The following AMER1 variants were observed in gnomAD, a reference collection of about 807,000 sequenced individuals.
AMER1 encodes the protein RP11-403E24.2.
Under a neutral mutation model 53.0 loss-of-function variants are expected in AMER1, and 16 were observed. The observed-to-expected ratio is 0.30, with a 90% CI of 0.20 to 0.46. AMER1 has a LOEUF of 0.46. Ranked by LOEUF, AMER1 falls within the 20% of genes least tolerant of loss-of-function variation. The probability of loss-of-function intolerance (pLI) is 1.00; values close to 1 mark genes in which losing one functional copy is unlikely to be tolerated. For synonymous variants in AMER1, 354 were observed against 331.9 expected (o/e 1.07, Z -0.73); for missense variants, 947 against 884.9 (o/e 1.07, Z -0.89).
At position 64,192,883 on chromosome X, in the gene AMER1, C is replaced by T. The variant is rs1195123555; in HGVS notation, c.404G>A (p.Gly135Glu). 3.3e-6 allele frequency: 4 copies of T among 1,212,117 alleles called. No individual in the cohort carries two copies. The highest frequency in any genetic ancestry group is 1.8e-5 in the South Asian group (1 of 57,010). The part of the protein sequence containing the change: ...CQFPSSQSAH[G>E]ALETGSRCKT... ...ACATCTGGAGCCTGTCTCCAAAGCC[C>T]CATGGGCACTCTGAGAGCTGGGAAA... Residue 135 changes from glycine (G) to glutamate (E), a missense_variant, in exon 2 of 2, where the codon GGG (glycine) becomes GAG (glutamate). Physicochemically the swap from Gly to Glu is moderately conservative, Grantham distance 98. Coordinates refer to ENST00000374869, the MANE Select transcript of AMER1 (RefSeq NM_152424.4).
rs1373608390 is a variant in AMER1, at chrX:64,193,259, G to A, written c.28C>T (p.Gln10Ter). The change falls in exon 2 of 2, where the codon CAG becomes TAG. Residue 10 changes from glutamine (Q) to a stop codon, truncating the protein, a stop_gained. Coordinates refer to ENST00000374869, the MANE Select transcript of AMER1 (RefSeq NM_152424.4). LOFTEE classifies it high-confidence loss of function. Reference protein sequence around the residue: METQKDEAAQAKGAAASGST... With the variant: METQKDEAA ...CCAGAGGCTGCAGCTCCCTTGGCCT[G>A]AGCAGCTTCATCCTTTTGGGTCTCC... is the stretch of plus-strand genomic sequence containing the variant. 1 of 1,209,952 alleles carries A rather than the reference G, an allele frequency of 8.3e-7. No homozygotes were observed. The highest frequency in any genetic ancestry group is 2.2e-5 in the Admixed American group (1 of 45,728).
At position 64,187,842 on chromosome X, in the gene AMER1, C is replaced by T. The variant is rs1602065232; in HGVS notation, c.*2037G>A. On this transcript the variant is annotated 3_prime_UTR_variant, in exon 2 of 2. Transcript: ENST00000374869. ...ATGCTGTGCTTGGGGTAAGGAGGGC[C>T]TTCCTCACCCTCTTTCATTCTCCAG... 1.3e-6 allele frequency: 1 copy of T among 777,087 alleles called. No homozygotes were observed. The highest frequency in any genetic ancestry group is 8.9e-5 in the East Asian group (1 of 11,208). The allele number at this position is 777,087 out of a possible 1,213,427, so 64.0% of individuals were successfully genotyped here.
chrX:64,189,814 T>TCCCCCAC lies in AMER1; in HGVS notation c.*64_*65insGTGGGGG. 6.3e-6 allele frequency: 1 copy of TCCCCCAC among 159,292 alleles called. No homozygotes were observed. The highest frequency in any genetic ancestry group is 1.0e-5 in the Non-Finnish European group (1 of 98,500). 13.1% of individuals were successfully genotyped at this position (159,292 alleles called of 1,213,427 possible). ...AACAACCCCCACCCCCCCACCCTTC[T>TCCCCCAC]GCCCAACCCCTGATCCCCATTCACA... On this transcript the variant is annotated 3_prime_UTR_variant, in exon 2 of 2. Transcript: ENST00000374869.
Position 64,185,667 on chromosome X carries a change from GGGCAGGGGAGGGGGA to G in AMER1, c.*4197_*4211del. The G allele has an allele frequency of 5.5e-6, 1 of 180,796 alleles. No individual in the cohort carries two copies. The highest frequency in any genetic ancestry group is 2.4e-4 in the South Asian group (1 of 4,223). The allele number at this position is 180,796 out of a possible 1,213,427, so 14.9% of individuals were successfully genotyped here. A position where few individuals can be genotyped will look rare whatever the true frequency, so the allele number is the denominator to read the frequency against. ...TACCATCCACGTGTGAGCTGGAGCA[GGGCAGGGGAGGGGGA>G]ATGGTGGTAGGGGAGGAGATTCCCC... On this transcript the variant is annotated 3_prime_UTR_variant, in exon 2 of 2. Transcript: ENST00000374869.
rs1470721829 is a variant in AMER1 at position 64,187,860 on chromosome X, T to A, written c.*2019A>T. On this transcript the variant is annotated 3_prime_UTR_variant, in exon 2 of 2. Coordinates refer to ENST00000374869, the MANE Select transcript of AMER1 (RefSeq NM_152424.4). ...GGAGGGCCTTCCTCACCCTCTTTCA[T>A]TCTCCAGCTCCACAACAGATACATT... 2 of 777,236 alleles carry A rather than the reference T, an allele frequency of 2.6e-6. No homozygotes were observed. 64.1% of individuals were successfully genotyped at this position (777,236 alleles called of 1,213,427 possible).
rs1208695824 is a variant in AMER1 at position 64,193,523 on chromosome X, C to T, written c.-98-139G>A. ...GGAAAATGTGGGGCAAATCTTAATC[C>T]ACTCGATATGCTTGGCTTGCTGGGC... On this transcript the variant is annotated intron_variant, in intron 1 of 1. Transcript: ENST00000374869. The T allele has an allele frequency of 4.1e-5, 19 of 463,234 alleles. No individual in the cohort carries two copies. The East Asian group carries it at 4.6e-4, about 11-fold the overall frequency. 38.2% of individuals were successfully genotyped at this position (463,234 alleles called of 1,213,427 possible).
Position 64,189,261 on chromosome X carries a change from G to A in AMER1, c.*618C>T. The A allele has an allele frequency of 3.8e-6, 3 of 795,160 alleles. No homozygotes were observed. The African/African-American group carries it at 6.6e-5, about 18-fold the overall frequency. 65.5% of individuals were successfully genotyped at this position (795,160 alleles called of 1,213,427 possible). ...TGATATAATGATGGCAGCTATGCCA[G>A]GCCAAAAGGAATAGGGGTGGGGAGG... is the stretch of plus-strand genomic sequence containing the variant. On this transcript the variant is annotated 3_prime_UTR_variant, in exon 2 of 2. Transcript: ENST00000374869.
chrX:64,191,293 C>T lies in AMER1; in HGVS notation c.1994G>A (p.Gly665Asp), dbSNP rs2147086998. 1.7e-6 allele frequency: 2 copies of T among 1,211,768 alleles called. No individual in the cohort carries two copies. Among genetic ancestry groups the T allele is most frequent in the Non-Finnish European group, 1.1e-6 (1 of 895,444 alleles). The change falls in exon 2 of 2, where the codon GGC (glycine) becomes GAC (aspartate). Residue 665 changes from glycine (G) to aspartate (D), a missense_variant. Transcript: ENST00000374869. ...QMRPLGPSVM[G>D]LAAGVSGTSQ... ...GGTCCCTGATACCCCTGCTGCCAGG[C>T]CCATCACTGATGGGCCTAAGGGCCT...
chrX:64,189,792 A>ATCGGGG lies in AMER1; in HGVS notation c.*86_*87insCCCCGA. The ATCGGGG allele has an allele frequency of 1.3e-6, 1 of 746,976 alleles. No homozygotes were observed. The highest frequency in any genetic ancestry group is 8.5e-5 in the East Asian group (1 of 11,770). 61.6% of individuals were successfully genotyped at this position (746,976 alleles called of 1,213,427 possible). A position where few individuals can be genotyped will look rare whatever the true frequency, so the allele number is the denominator to read the frequency against. On this transcript the variant is annotated 3_prime_UTR_variant, in exon 2 of 2. Coordinates refer to ENST00000374869, the MANE Select transcript of AMER1 (RefSeq NM_152424.4). ...CCAAAGGGTTTTCAAGTTAAACAAC[A>ATCGGGG]ACCCCCACCCCCCCACCCTTCTGCC...
chrX:64,190,118 C>A lies in AMER1; in HGVS notation c.3169G>T (p.Glu1057Ter), dbSNP rs2147084373. The change falls in exon 2 of 2, where the codon GAG (glutamate) becomes TAG (stop). Residue 1057 changes from glutamate (E) to a stop codon, truncating the protein, a stop_gained. Coordinates refer to ENST00000374869, the MANE Select transcript of AMER1 (RefSeq NM_152424.4). LOFTEE classifies it high-confidence loss of function. ...RPRDVLLPVD[E>*]PSCSSSSGGF... is the part of the protein sequence containing the mutation. Reference sequence around the variant, plus strand: ...CCAGAACTGGAAGAGCAACTGGGCTCATCAACAGGCAGCAGCACATCTCGA... The same window carrying A: ...CCAGAACTGGAAGAGCAACTGGGCTAATCAACAGGCAGCAGCACATCTCGA... The A allele has an allele frequency of 8.3e-7, 1 of 1,207,154 alleles. No individual in the cohort carries two copies. Among genetic ancestry groups the A allele is most frequent in the Non-Finnish European group, 1.1e-6 (1 of 893,138 alleles).
rs751312208 is a variant in AMER1 at position 64,192,600 on chromosome X, A to T, written c.687T>A (p.Ala229=). Residue 229 remains alanine, a synonymous_variant, in exon 2 of 2, where the codon GCT becomes GCA. Transcript: ENST00000374869. The part of the protein sequence containing the change: ...ETFQAPRKEN[A]NPQDAPGPKV... ...TTGGCCCAGGGGCATCTTGGGGGTT[A>T]GCATTTTCCTTTCTAGGGGCTTGGA... is the stretch of plus-strand genomic sequence containing the variant. 8.5e-7 allele frequency: 1 copy of T among 1,182,139 alleles called. No individual in the cohort carries two copies. The highest frequency in any genetic ancestry group is 2.0e-5 in the South Asian group (1 of 50,841).
intron 1 of AMER1, among the ~76,000 whole-genome samples, chrX:64,201,400 G>A (rs914610378): frequency 9.3e-6 from 1 of 108,013 alleles, no homozygotes; most frequent in African/African-American, 3.4e-5. Context: ...CCAATAGATC[G>A]TTAAGCAGAA....
chrX:64,189,792 A>AGGGGGGGGGGGGG lies in AMER1; in HGVS notation c.*86_*87insCCCCCCCCCCCCC. ...CCAAAGGGTTTTCAAGTTAAACAAC[A>AGGGGGGGGGGGGG]ACCCCCACCCCCCCACCCTTCTGCC... On this transcript the variant is annotated 3_prime_UTR_variant, in exon 2 of 2. Coordinates refer to ENST00000374869, the MANE Select transcript of AMER1 (RefSeq NM_152424.4). 1.3e-6 allele frequency: 1 copy of AGGGGGGGGGGGGG among 746,977 alleles called. No individual in the cohort carries two copies. The allele number at this position is 746,977 out of a possible 1,213,427, so 61.6% of individuals were successfully genotyped here. A position where few individuals can be genotyped will look rare whatever the true frequency, so the allele number is the denominator to read the frequency against.
Position 64,189,403 on chromosome X carries a change from G to A in AMER1, c.*476C>T. On this transcript the variant is annotated 3_prime_UTR_variant, in exon 2 of 2. Coordinates refer to ENST00000374869, the MANE Select transcript of AMER1 (RefSeq NM_152424.4). The stretch of plus-strand genomic sequence containing the variant: ...ATCATTCATTGGGGGAAAGGGGCAG[G>A]GGGCACTAAAGGTTTAGCCTGTGTC... 1 of 778,933 alleles carries A rather than the reference G, an allele frequency of 1.3e-6. No homozygotes were observed. Among genetic ancestry groups the A allele is most frequent in the Non-Finnish European group, 1.5e-6 (1 of 655,045 alleles). The allele number at this position is 778,933 out of a possible 1,213,427, so 64.2% of individuals were successfully genotyped here.
Position 64,187,963 on chromosome X carries a change from C to A in AMER1, c.*1916G>T, listed in dbSNP as rs934230337. ...CTTGAGTGGTGGTGTTAGTGCCATG[C>A]AAATTCATGTGGTGCTTCCAGGGGT... On this transcript the variant is annotated 3_prime_UTR_variant, in exon 2 of 2. Coordinates refer to ENST00000374869, the MANE Select transcript of AMER1 (RefSeq NM_152424.4). The A allele has an allele frequency of 1.7e-5, 13 of 778,787 alleles. No homozygotes were observed. Among genetic ancestry groups the A allele is most frequent in the Non-Finnish European group, 2.0e-5 (13 of 654,636 alleles). 64.2% of individuals were successfully genotyped at this position (778,787 alleles called of 1,213,427 possible).
chrX:64,203,635 T>C (rs900426560), intron 1 of AMER1, among the ~76,000 whole-genome samples: 2 of 111,333 alleles, frequency 1.8e-5, no homozygotes, highest in Non-Finnish European at 3.8e-5. Context: ...GAAGTCACCA[T>C]GGGTGGGCAA....
In AMER1 at chrX:64,189,796, C is replaced by CT; in HGVS notation, c.*82_*83insA. ...AGGGTTTTCAAGTTAAACAACAACCCCCACCCCCCCACCCTTCTGCCCAAC... is the reference window on the plus strand; with the variant it reads ...AGGGTTTTCAAGTTAAACAACAACCCTCCACCCCCCCACCCTTCTGCCCAAC... On this transcript the variant is annotated 3_prime_UTR_variant, in exon 2 of 2. Transcript: ENST00000374869. The CT allele has an allele frequency of 8.9e-5, 11 of 123,741 alleles. No homozygotes were observed. The highest frequency in any genetic ancestry group is 3.5e-4 in the South Asian group (2 of 5,641). 10.2% of individuals were successfully genotyped at this position (123,741 alleles called of 1,213,427 possible).
chrX:64,185,493 TAAC>T lies in AMER1; in HGVS notation c.*4383_*4385del, dbSNP rs1181398018. On this transcript the variant is annotated 3_prime_UTR_variant, in exon 2 of 2. Transcript: ENST00000374869. Reference sequence around the variant, plus strand: ...CAGGAAAAATAAGCACCAATAATAATAACAATAATTAAAGTCCCACCTCTCAAT... The same window carrying T: ...CAGGAAAAATAAGCACCAATAATAATAATAATTAAAGTCCCACCTCTCAAT... 5.8e-5 allele frequency: 4 copies of T among 68,970 alleles called. No homozygotes were observed. The highest frequency in any genetic ancestry group is 1.0e-4 in the Non-Finnish European group (4 of 39,749). 5.7% of individuals were successfully genotyped at this position (68,970 alleles called of 1,213,427 possible).
At position 64,189,168 on chromosome X, in the gene AMER1, G is replaced by T; in HGVS notation, c.*711C>A. 1.2e-6 allele frequency: 1 copy of T among 800,900 alleles called. No individual in the cohort carries two copies. The highest frequency in any genetic ancestry group is 6.4e-4 in the Middle Eastern group (1 of 1,563). The allele number at this position is 800,900 out of a possible 1,213,427, so 66.0% of individuals were successfully genotyped here. A position where few individuals can be genotyped will look rare whatever the true frequency, so the allele number is the denominator to read the frequency against. The stretch of plus-strand genomic sequence containing the variant: ...ATGATGCCAAAGTCCACAGCGATAG[G>T]CTGTGAGACACACGCTACTTGATCC... On this transcript the variant is annotated 3_prime_UTR_variant, in exon 2 of 2. Coordinates refer to ENST00000374869, the MANE Select transcript of AMER1 (RefSeq NM_152424.4).
Sources: gnomAD v4.1 joint callset for allele counts (sites outside exome capture counted in the v4.1 genomes callset) on GRCh38, gnomAD v4.1.1 for gene constraint, MANE v1.5 for transcripts, NCBI Gene and HGNC (gene_info 2026-07-23, HGNC 2026-07-21) for gene names.